The following BICD1 variants were observed in gnomAD, a reference collection of about 807,000 sequenced individuals.
The protein encoded by BICD1 is BICD cargo adaptor 1, also known as protein bicaudal D homolog 1.
BICD1 carries 35 observed loss-of-function variants against 92.5 expected under a neutral mutation model. The observed-to-expected ratio is 0.38, with a 90% CI of 0.29 to 0.50. BICD1 has a LOEUF of 0.50. BICD1 is among the 20% of genes least tolerant of loss of function. The pLI is 0.93. For synonymous variants in BICD1, 429 were observed against 465.1 expected (o/e 0.92, Z 1.00); for missense variants, 950 against 1,189.8 (o/e 0.80, Z 2.97).
chr12:32,145,710 T>TAAACTTTCAGTTTAAAATAAACTTAAAA (rs1353823193), intron 1 of BICD1, among the ~76,000 whole-genome samples: 1 of 152,212 alleles, frequency 6.6e-6, no homozygotes, highest in Non-Finnish European at 1.5e-5. Flanking sequence ...TCAGTTTATT[T>TAAACTTTCAGTTTAAAATAAACTTAAAA]TAAGGCTGGA....
At chr12:32,280,711 G>C (rs763588197) in intron 2 of BICD1, among the ~76,000 whole-genome samples, 1 of 152,164 alleles carries the variant, frequency 6.6e-6, no homozygotes, top group Non-Finnish European at 1.5e-5. Context: ...GGGGTGGCAC[G>C]TCCTGAAGTC....
intron 2 of BICD1, among the ~76,000 whole-genome samples, chr12:32,258,864 C>T (rs1479779261): frequency 6.6e-6 from 1 of 152,172 alleles, no homozygotes; most frequent in Non-Finnish European, 1.5e-5. Context: ...GGACAAGGAG[C>T]GTGACCACTG....
At chr12:32,367,779 T>C (rs1939581895) in intron 9 of BICD1, 34 bp downstream of exon 9, 7 of 1,580,612 alleles carry the variant, frequency 4.4e-6, no homozygotes, top group Non-Finnish European at 6.1e-6. Context: ...TCCACCCAGC[T>C]GCATGTCAGA....
intron 1 of BICD1, among the ~76,000 whole-genome samples, chr12:32,189,462 C>T (rs1286679425): frequency 6.6e-6 from 1 of 152,132 alleles, no homozygotes; most frequent in Non-Finnish European, 1.5e-5. Flanking sequence ...TGGGGTGAGG[C>T]ATGAGGTGAA....
chr12:32,258,724 G>C (rs1946780845), intron 2 of BICD1, among the ~76,000 whole-genome samples: 1 of 152,190 alleles, frequency 6.6e-6, no homozygotes, highest in South Asian at 2.1e-4. Context: ...AGGGAAGACA[G>C]CATACATCAG....
chr12:32,121,882 C>T (rs191283424), intron 1 of BICD1, among the ~76,000 whole-genome samples: 69 of 150,534 alleles, frequency 4.6e-4, no homozygotes, highest in Middle Eastern at 3.4e-3. Flanking sequence ...GGTGCAATCT[C>T]GGCTCACTGC....
chr12:32,140,831 T>TA (rs34784809), intron 1 of BICD1, among the ~76,000 whole-genome samples: 79 of 148,038 alleles, frequency 5.3e-4, no homozygotes, highest in East Asian at 3.1e-3. Context: ...GAAACAGAGC[T>TA]AAAAAAAAAA....
intron 1 of BICD1, among the ~76,000 whole-genome samples, chr12:32,177,407 A>G (rs1220466897): frequency 6.7e-6 from 1 of 149,680 alleles, no homozygotes; most frequent in African/African-American, 2.4e-5. Flanking sequence ...TTTGAGTTAG[A>G]TCTTTATCTG....
chr12:32,248,363 G>A (rs912877978), intron 2 of BICD1, among the ~76,000 whole-genome samples: 1 of 152,172 alleles, frequency 6.6e-6, no homozygotes, highest in African/African-American at 2.4e-5. Flanking sequence ...TTCATATCAG[G>A]ATTTTGCTGT....
chr12:32,378,542 GTTTA>G lies in BICD1; in HGVS notation c.*920_*923del, dbSNP rs889481685. 6.6e-6 allele frequency: 1 copy of G among 152,112 alleles called. No homozygotes were observed. 9.4% of individuals were successfully genotyped at this position (152,112 alleles called of 1,614,324 possible). Reference sequence around the variant, plus strand: ...TAACTTGAAGGGAAAAAAATGGTGTGTTTATTTAATGACCAGAATTTTTTTTACT... The same window carrying G: ...TAACTTGAAGGGAAAAAAATGGTGTGTTTAATGACCAGAATTTTTTTTACT... On this transcript the variant is annotated 3_prime_UTR_variant, in exon 10 of 10. Coordinates refer to ENST00000652176, the MANE Select transcript of BICD1 (RefSeq NM_001714.4).
intron 1 of BICD1, among the ~76,000 whole-genome samples, chr12:32,166,069 C>T (rs1256698893): frequency 6.6e-6 from 1 of 152,040 alleles, no homozygotes; most frequent in Non-Finnish European, 1.5e-5. Context: ...AGCTGTTTTA[C>T]TCCTTCTCCC....
chr12:32,196,339 C>G (rs753371897), intron 1 of BICD1, among the ~76,000 whole-genome samples: 16 of 152,166 alleles, frequency 1.1e-4, no homozygotes, highest in Non-Finnish European at 2.1e-4. Context: ...ACCCCATGTT[C>G]ATAGCAGCAC....
chr12:32,300,316 G>T (rs1043210565), intron 3 of BICD1, among the ~76,000 whole-genome samples: 4 of 151,944 alleles, frequency 2.6e-5, no homozygotes, highest in Non-Finnish European at 5.9e-5. Flanking sequence ...TGTTAGTCAG[G>T]ATGATCTCGA....
intron 2 of BICD1, among the ~76,000 whole-genome samples, chr12:32,257,834 A>T (rs1414333549): frequency 6.6e-6 from 1 of 152,184 alleles, no homozygotes; most frequent in Non-Finnish European, 1.5e-5. Flanking sequence ...ATGTGGCCAC[A>T]GTTCATTTTG....
In BICD1 at chr12:32,367,752, T is replaced by G. The variant is rs758377821; in HGVS notation, c.2840+7T>G. 3.1e-5 allele frequency: 50 copies of G among 1,612,260 alleles called. No individual in the cohort carries two copies. Among genetic ancestry groups the G allele is most frequent in the Non-Finnish European group, 4.2e-5 (50 of 1,178,476 alleles). On this transcript the variant is annotated splice_region_variant and intron_variant, in intron 9 of 9. Transcript: ENST00000652176. ...AAGACTGCCCAACTGTCAGGTAAAT[T>G]CAGATGTCCTTTCCCTTCCACCCAG...
At chr12:32,198,909 A>C (rs948777480) in intron 1 of BICD1, among the ~76,000 whole-genome samples, 46 of 152,160 alleles carry the variant, frequency 3.0e-4, no homozygotes, top group African/African-American at 1.1e-3. Flanking sequence ...TTCCCTTGAC[A>C]TCCCAGTCCA....
rs936124396 is a variant in BICD1 at position 32,270,621 on chromosome 12, C to T, written c.427-23373C>T. On this transcript the variant is annotated intron_variant, in intron 2 of 9. Transcript: ENST00000652176. ...AAAAGGCAATTATTACAAGTTTTTA[C>T]GTAAAACTATGATAAGATTTTTTAA... Among the ~76,000 whole-genome samples the T allele has an allele frequency of 6.6e-5, 10 of 152,230 alleles. No homozygotes were observed. In the South Asian group the frequency reaches 1.2e-3, roughly 19 times the overall value.
chr12:32,216,577 C>A, intron 2 of BICD1, 118 bp downstream of exon 2: 1 of 1,020,438 alleles, frequency 9.8e-7, no homozygotes, highest in Non-Finnish European at 1.4e-6. Flanking sequence ...AAGCACGAAA[C>A]TACTAATACT....
chr12:32,264,901 G>A (rs1218363425), intron 2 of BICD1, among the ~76,000 whole-genome samples: 1 of 152,146 alleles, frequency 6.6e-6, no homozygotes, highest in East Asian at 1.9e-4. Flanking sequence ...CTTTGTAACT[G>A]CTGCATTTTG....
Sources: allele counts gnomAD v4.1 joint callset (sites outside exome capture counted in the v4.1 genomes callset), GRCh38; gene constraint gnomAD v4.1.1; transcripts MANE v1.5; gene names NCBI Gene and HGNC (gene_info 2026-07-23, HGNC 2026-07-21).